MXD4: variants seen among roughly 807,000 people sequenced by gnomAD.
MXD4 encodes the protein Mad4 homolog.
MXD4 carries 16 observed loss-of-function variants against 24.5 expected under a neutral mutation model. That is an observed-to-expected ratio of 0.65 (90% CI 0.44 to 0.99). The LOEUF (loss-of-function observed/expected upper bound fraction) is 0.99, where lower values mean the gene tolerates loss of function less well. MXD4 is among the 50% of genes least tolerant of loss of function. The pLI is 0.00. For synonymous variants in MXD4, 164 were observed against 134.2 expected (o/e 1.22, Z -1.54); for missense variants, 301 against 301.5 (o/e 1.00, Z 0.01).
intron 3 of MXD4, 33 bp downstream of exon 3, chr4:2,257,949 C>T (rs767427982): frequency 4.6e-5 from 74 of 1,613,310 alleles, no homozygotes; most frequent in Non-Finnish European, 6.0e-5. Flanking sequence ...GGCCAGGTGT[C>T]GGGCTCATGT....
At chr4:2,251,423 T>A (rs1577817653) in intron 4 of MXD4, among the ~76,000 whole-genome samples, 177 bp from the exon 5 acceptor site, 2 of 152,114 alleles carry the variant, frequency 1.3e-5, no homozygotes, top group Non-Finnish European at 2.9e-5. Context: ...CTGAGGTGGG[T>A]CCCTCCCTGC....
intron 3 of MXD4, among the ~76,000 whole-genome samples, chr4:2,255,845 G>A (rs773822013): frequency 2.0e-5 from 3 of 152,212 alleles, no homozygotes; most frequent in Non-Finnish European, 4.4e-5. Context: ...GGCACCGAGA[G>A]GGCATGGCTC....
intron 4 of MXD4, 105 bp downstream of exon 4, chr4:2,252,303 C>G: frequency 2.1e-6 from 2 of 941,372 alleles, no homozygotes; most frequent in Non-Finnish European, 3.3e-6. Context: ...TCTTCAGGCC[C>G]TCTGATCCAA....
chr4:2,260,515 C>T, intron 2 of MXD4: 1 of 455,554 alleles, frequency 2.2e-6, no homozygotes, highest in South Asian at 1.6e-5. Flanking sequence ...CTCCACGGGT[C>T]AGGGACTTGG....
intron 3 of MXD4, chr4:2,254,499 AACAC>A (rs1480911827): frequency 6.6e-6 from 1 of 152,266 alleles, no homozygotes; most frequent in Non-Finnish European, 1.5e-5. Context: ...CTTAAAAAAA[AACAC>A]ACACAGACAT....
intron 3 of MXD4, among the ~76,000 whole-genome samples, chr4:2,257,257 G>A (rs940545717): frequency 6.6e-6 from 1 of 152,190 alleles, no homozygotes; most frequent in Non-Finnish European, 1.5e-5. Context: ...AGGAAGGGAG[G>A]ACAGAGCTGA....
Position 2,250,382 on chromosome 4 carries a change from C to G in MXD4, c.*162G>C. The G allele has an allele frequency of 9.9e-7, 1 of 1,009,912 alleles. No homozygotes were observed. Among genetic ancestry groups the G allele is most frequent in the Non-Finnish European group, 1.4e-6 (1 of 714,428 alleles). 62.6% of individuals were successfully genotyped at this position (1,009,912 alleles called of 1,614,324 possible). On this transcript the variant is annotated 3_prime_UTR_variant, in exon 6 of 6. Transcript: ENST00000337190. Reference sequence around the variant, plus strand: ...GAAGGGGCAGGCAGCTCGGCAGGCCCTGACCGGCAAGCGGGCAGTGCCAGG... The same window carrying G: ...GAAGGGGCAGGCAGCTCGGCAGGCCGTGACCGGCAAGCGGGCAGTGCCAGG...
In MXD4 at chr4:2,261,808, G is replaced by A. The variant is rs368952521; in HGVS notation, c.81C>T (p.Tyr27=). Residue 27 remains tyrosine (Y), a synonymous_variant, in exon 2 of 6, where the codon TAC becomes TAT. Coordinates refer to ENST00000337190, the MANE Select transcript of MXD4 (RefSeq NM_006454.3). ...CGCCGTCGAAGGGCAGCACCGAGGC[G>A]TAGCCGTGCTCGGCCTCTGCGGACA... is the stretch of plus-strand genomic sequence containing the variant. ...ERRDREAEHG[Y]ASVLPFDGDF... 64 of 1,409,862 alleles carry A rather than the reference G, an allele frequency of 4.5e-5. No homozygotes were observed. The African/African-American group carries it at 7.2e-4, about 16-fold the overall frequency. 87.3% of individuals were successfully genotyped at this position (1,409,862 alleles called of 1,614,324 possible).
chr4:2,259,451 C>T (rs1011298699), intron 2 of MXD4, among the ~76,000 whole-genome samples: 7 of 152,342 alleles, frequency 4.6e-5, no homozygotes, highest in Middle Eastern at 3.4e-3. Context: ...CCTACGCCAG[C>T]GTTTCTGCTT....
chr4:2,261,834 C>G lies in MXD4; in HGVS notation c.65-10G>C. 7.3e-7 allele frequency: 1 copy of G among 1,371,140 alleles called. No homozygotes were observed. Among genetic ancestry groups the G allele is most frequent in the African/African-American group, 1.5e-5 (1 of 64,898 alleles). 84.9% of individuals were successfully genotyped at this position (1,371,140 alleles called of 1,614,324 possible). A position where few individuals can be genotyped will look rare whatever the true frequency, so the allele number is the denominator to read the frequency against. Reference sequence around the variant, plus strand: ...TAGCCGTGCTCGGCCTCTGCGGACACACGGCGCGGTCAGCGGCCCCCGCCC... The same window carrying G: ...TAGCCGTGCTCGGCCTCTGCGGACAGACGGCGCGGTCAGCGGCCCCCGCCC... On this transcript the variant is annotated splice_polypyrimidine_tract_variant and intron_variant, in intron 1 of 5. Coordinates refer to ENST00000337190, the MANE Select transcript of MXD4 (RefSeq NM_006454.3).
rs763626519 is a variant in MXD4 at position 2,261,919 on chromosome 4, C to G, written c.62G>C (p.Arg21Pro). The G allele has an allele frequency of 4.1e-6, 6 of 1,463,348 alleles. No individual in the cohort carries two copies. Among genetic ancestry groups the G allele is most frequent in the South Asian group, 1.3e-5 (1 of 77,248 alleles). 90.6% of individuals were successfully genotyped at this position (1,463,348 alleles called of 1,614,324 possible). ...GCACAATGGGGTGCGAGCGCTACCT[C>G]GATCCCTGCGCTCCAGGTACTCGGC... ...EAAEYLERRD[R>P]EAEHGYASVL... Residue 21 changes from arginine (R) to proline (P), a missense_variant and splice_region_variant, in exon 1 of 6, where the codon CGA (arginine) becomes CCA (proline). By Grantham distance (103) the Arg-to-Pro change is moderately radical (BLOSUM62 -2). Transcript: ENST00000337190.
rs1735238748 is a variant in MXD4, at chr4:2,248,240, C to T, written c.*2304G>A. On this transcript the variant is annotated 3_prime_UTR_variant, in exon 6 of 6. Coordinates refer to ENST00000337190, the MANE Select transcript of MXD4 (RefSeq NM_006454.3). ...GGCAGCTGAACAGCACCCCGGGTGG[C>T]TGAGACTGCCTCCCAGTCCACGTGG... The T allele has an allele frequency of 6.6e-6, 1 of 152,530 alleles. No homozygotes were observed. The highest frequency in any genetic ancestry group is 1.5e-5 in the Non-Finnish European group (1 of 68,096). The allele number at this position is 152,530 out of a possible 1,614,324, so 9.4% of individuals were successfully genotyped here. A position where few individuals can be genotyped will look rare whatever the true frequency, so the allele number is the denominator to read the frequency against.
chr4:2,259,845 A>G (rs761128764), intron 2 of MXD4, among the ~76,000 whole-genome samples: 1 of 152,180 alleles, frequency 6.6e-6, no homozygotes, highest in Non-Finnish European at 1.5e-5. Flanking sequence ...CACTTCCCAC[A>G]GAATGGACCC....
chr4:2,261,516 G>A (rs1488760450), intron 2 of MXD4, among the ~76,000 whole-genome samples: 1 of 150,268 alleles, frequency 6.7e-6, no homozygotes, highest in Middle Eastern at 3.2e-3. Flanking sequence ...CGGGAGGCGC[G>A]GCCGCGGGAA....
At position 2,247,868 on chromosome 4, in the gene MXD4, T is replaced by C. The variant is rs1379201938; in HGVS notation, c.*2676A>G. 2 of 152,388 alleles carry C rather than the reference T, an allele frequency of 1.3e-5. No homozygotes were observed. Among genetic ancestry groups the C allele is most frequent in the African/African-American group, 4.8e-5 (2 of 41,478 alleles). 9.4% of individuals were successfully genotyped at this position (152,388 alleles called of 1,614,324 possible). ...AGCCTTGCTGCAGCCTCTCCCACTC[T>C]GCGAGGATGGCGGGGGTCTGCTATG... On this transcript the variant is annotated 3_prime_UTR_variant, in exon 6 of 6. Transcript: ENST00000337190.
In MXD4 at chr4:2,262,051, C is replaced by T; in HGVS notation, c.-71G>A. The T allele has an allele frequency of 1.2e-6, 1 of 867,076 alleles. No homozygotes were observed. The highest frequency in any genetic ancestry group is 5.1e-5 in the South Asian group (1 of 19,652). 53.7% of individuals were successfully genotyped at this position (867,076 alleles called of 1,614,324 possible). On this transcript the variant is annotated 5_prime_UTR_variant, in exon 1 of 6. Transcript: ENST00000337190. ...CCGGCCCGCTCCGGCCGGCTCCGCT[C>T]GCCGCCCACCCCGCGCGCCCGGCCG...
chr4:2,261,994 C>A lies in MXD4; in HGVS notation c.-14G>T. 1 of 1,288,952 alleles carries A rather than the reference C, an allele frequency of 7.8e-7. No individual in the cohort carries two copies. 79.8% of individuals were successfully genotyped at this position (1,288,952 alleles called of 1,614,324 possible). Reference sequence around the variant, plus strand: ...GTTCAGCTCCATCCTCCCGCCCGCGCCCGTCCGCCCCGGGACGGCGGCGGC... The same window carrying A: ...GTTCAGCTCCATCCTCCCGCCCGCGACCGTCCGCCCCGGGACGGCGGCGGC... On this transcript the variant is annotated 5_prime_UTR_variant, in exon 1 of 6. Transcript: ENST00000337190.
intron 2 of MXD4, among the ~76,000 whole-genome samples, chr4:2,260,394 A>T (rs769327267): frequency 7.2e-5 from 11 of 152,242 alleles, no homozygotes; most frequent in Non-Finnish European, 1.6e-4. Context: ...AACTGGCTGC[A>T]TGTGTGAAAC....
At position 2,249,653 on chromosome 4, in the gene MXD4, T is replaced by G. The variant is rs894396472; in HGVS notation, c.*891A>C. On this transcript the variant is annotated 3_prime_UTR_variant, in exon 6 of 6. Transcript: ENST00000337190. ...CGGCTGCAACTTAACCAGCCTCCAG[T>G]TCACCCCAGCCCCAGCCAGGAAGAG... 1.3e-5 allele frequency: 2 copies of G among 152,142 alleles called. No individual in the cohort carries two copies. Among genetic ancestry groups the G allele is most frequent in the Admixed American group, 6.5e-5 (1 of 15,278 alleles). The allele number at this position is 152,142 out of a possible 1,614,324, so 9.4% of individuals were successfully genotyped here.
Sources: gnomAD v4.1 joint callset for allele counts (sites outside exome capture counted in the v4.1 genomes callset) on GRCh38, gnomAD v4.1.1 for gene constraint, MANE v1.5 for transcripts, NCBI Gene and HGNC (gene_info 2026-07-23, HGNC 2026-07-21) for gene names.